CDH12: variants seen among roughly 807,000 people sequenced by gnomAD.
CDH12 encodes the protein cadherin-12.
Under a neutral mutation model 74.1 loss-of-function variants are expected in CDH12, and 41 were observed. That is an observed-to-expected ratio of 0.55 (90% CI 0.43 to 0.72). CDH12 has a LOEUF of 0.72. CDH12 is among the 30% of genes least tolerant of loss of function. The pLI, the probability that CDH12 is intolerant of heterozygous loss-of-function variation, is 0.00. For missense variants in CDH12, 945 were observed against 977.2 expected, an observed-to-expected ratio of 0.97 and a Z score of 0.44; for synonymous variants, 399 against 355.0, an observed-to-expected ratio of 1.12 and a Z score of -1.39.
At chr5:22,647,503 G>T (rs1024311921) in intron 1 of CDH12, among the ~76,000 whole-genome samples, 1 of 151,682 alleles carries the variant, frequency 6.6e-6, no homozygotes, top group Non-Finnish European at 1.5e-5. Context: ...TTCTGTTTCT[G>T]CTGAGGGCTC....
chr5:22,285,739 A>C (rs1737107316), intron 3 of CDH12, among the ~76,000 whole-genome samples: 1 of 152,086 alleles, frequency 6.6e-6, no homozygotes, highest in South Asian at 2.1e-4. Flanking sequence ...TTTTGCTCTA[A>C]CTTGTTTTAT....
At chr5:21,859,401 G>C (rs1034397653) in intron 6 of CDH12, among the ~76,000 whole-genome samples, 1 of 151,832 alleles carries the variant, frequency 6.6e-6, no homozygotes, top group Admixed American at 6.6e-5. Context: ...ACTATCATGA[G>C]AACAGCATGG....
chr5:21,974,858 G>A (rs1756993811), intron 6 of CDH12, among the ~76,000 whole-genome samples: 1 of 151,990 alleles, frequency 6.6e-6, no homozygotes, highest in Non-Finnish European at 1.5e-5. Context: ...TATGAATTCA[G>A]GTAAATTCAC....
rs555442738 is a variant in CDH12 at position 22,403,392 on chromosome 5, A to G, written c.-333+1865T>C. ...GGAGTCTGCTCCAGAGAATTAATCA[A>G]TCAATGCAATATCTCATGGGACATT... On this transcript the variant is annotated intron_variant, in intron 3 of 14. Transcript: ENST00000382254. Among the ~76,000 whole-genome samples, 12 of 152,316 alleles carry G rather than the reference A, an allele frequency of 7.9e-5. No homozygotes were observed. In the East Asian group the frequency reaches 2.3e-3, roughly 29 times the overall value.
chr5:22,027,128 G>A (rs559056200), intron 5 of CDH12, among the ~76,000 whole-genome samples: 18 of 152,072 alleles, frequency 1.2e-4, no homozygotes, highest in Admixed American at 3.3e-4. Context: ...TTTGATTTGC[G>A]TATATTGAAC....
At chr5:21,931,011 G>A (rs765643826) in intron 6 of CDH12, among the ~76,000 whole-genome samples, 14 of 152,152 alleles carry the variant, frequency 9.2e-5, no homozygotes, top group Non-Finnish European at 2.1e-4. Flanking sequence ...GTGCCAAAAT[G>A]TCTCGAGCTT....
At chr5:22,148,671 C>T (rs1224212601) in intron 4 of CDH12, among the ~76,000 whole-genome samples, 24 of 152,174 alleles carry the variant, frequency 1.6e-4, no homozygotes, top group Non-Finnish European at 2.5e-4. Flanking sequence ...TTCCTCTTTC[C>T]TAGCTTCTGG....
At chr5:22,571,412 C>A (rs1303482535) in intron 1 of CDH12, among the ~76,000 whole-genome samples, 1 of 152,096 alleles carries the variant, frequency 6.6e-6, no homozygotes, top group Non-Finnish European at 1.5e-5. Context: ...CTGCAACCTC[C>A]GCCTCCTGAG....
At position 22,144,236 on chromosome 5, in the gene CDH12, T is replaced by C. The variant is rs191842283; in HGVS notation, c.-186-65374A>G. Reference sequence around the variant, plus strand: ...TTTATCCACTAACTGTTTAGAAATATGATTAGCTTCTAAGATTTGAAAAAC... The same window carrying C: ...TTTATCCACTAACTGTTTAGAAATACGATTAGCTTCTAAGATTTGAAAAAC... On this transcript the variant is annotated intron_variant, in intron 4 of 14. Transcript: ENST00000382254. 472 of 152,338 alleles carry C rather than the reference T, an allele frequency of 3.1e-3. 5 individuals carry two copies. The highest frequency in any genetic ancestry group is 0.011 in the African/African-American group (440 of 41,594). The allele number at this position is 152,338 out of a possible 1,614,324, so 9.4% of individuals were successfully genotyped here.
chr5:22,739,588 G>A (rs978905747), intron 1 of CDH12, among the ~76,000 whole-genome samples: 2 of 152,046 alleles, frequency 1.3e-5, no homozygotes, highest in East Asian at 1.9e-4. Flanking sequence ...AAGACCTATC[G>A]TCTTACAAAA....
chr5:21,753,122 A>G (rs1299768791), intron 14 of CDH12, among the ~76,000 whole-genome samples: 2 of 152,190 alleles, frequency 1.3e-5, no homozygotes, highest in Non-Finnish European at 2.9e-5. Flanking sequence ...TCTTGTCATA[A>G]TAACCCCTCT....
intron 2 of CDH12, among the ~76,000 whole-genome samples, chr5:22,485,189 CT>C (rs33936632): frequency 0.94 from 142,488 of 151,502 alleles, 67,089 homozygotes; most frequent in Admixed American, 0.97. Context: ...CTTTTCTTTT[CT>C]TTTTTTTTAG....
chr5:22,249,124 A>G (rs973974947), intron 3 of CDH12, among the ~76,000 whole-genome samples: 4 of 152,182 alleles, frequency 2.6e-5, no homozygotes, highest in African/African-American at 9.7e-5. Context: ...GTGATTACAC[A>G]CCAATATCCC....
chr5:22,529,163 G>A (rs1452879163), intron 1 of CDH12, among the ~76,000 whole-genome samples: 1 of 69,164 alleles, frequency 1.4e-5, no homozygotes. Context: ...ATATACACAT[G>A]TGTATATATA....
intron 4 of CDH12, among the ~76,000 whole-genome samples, chr5:22,112,707 T>C (rs1744882506): frequency 6.6e-6 from 1 of 152,186 alleles, no homozygotes; most frequent in South Asian, 2.1e-4. Flanking sequence ...TAGCCAAGTT[T>C]GCTAGCAATC....
intron 2 of CDH12, among the ~76,000 whole-genome samples, chr5:22,445,956 C>A (rs1744799656): frequency 6.6e-6 from 1 of 152,140 alleles, no homozygotes; most frequent in Non-Finnish European, 1.5e-5. Context: ...TGGTACACTT[C>A]TAGCATCTTT....
At chr5:21,935,425 A>G (rs1411861967) in intron 6 of CDH12, among the ~76,000 whole-genome samples, 1 of 152,192 alleles carries the variant, frequency 6.6e-6, no homozygotes, top group African/African-American at 2.4e-5. Context: ...ATGCACTTCT[A>G]GTAAACTAAG....
intron 2 of CDH12, among the ~76,000 whole-genome samples, chr5:22,460,561 A>T (rs1199234470): frequency 6.6e-6 from 1 of 152,144 alleles, no homozygotes; most frequent in African/African-American, 2.4e-5. Context: ...CGAAAGTGGG[A>T]TCTAACCTTT....
At chr5:22,734,281 G>T (rs1744576410) in intron 1 of CDH12, among the ~76,000 whole-genome samples, 2 of 151,806 alleles carry the variant, frequency 1.3e-5, no homozygotes, top group Admixed American at 6.6e-5. Context: ...TTCAGAATTT[G>T]GCTATAGCAG....
Sources: gnomAD v4.1 joint callset for allele counts (sites outside exome capture counted in the v4.1 genomes callset) on GRCh38, gnomAD v4.1.1 for gene constraint, MANE v1.5 for transcripts, NCBI Gene and HGNC (gene_info 2026-07-23, HGNC 2026-07-21) for gene names.